The following FRMD6 variants were observed in gnomAD, a reference collection of about 807,000 sequenced individuals.
FRMD6 encodes the protein FERM domain containing 6.
FRMD6 carries 37 observed loss-of-function variants against 73.2 expected under a neutral mutation model. That is an observed-to-expected ratio of 0.51 (90% confidence interval 0.39 to 0.66). The LOEUF is 0.66. Ranked by LOEUF, FRMD6 falls within the 30% of genes least tolerant of loss-of-function variation. FRMD6 has a pLI of 0.00. For synonymous variants in FRMD6, 273 were observed against 282.2 expected (o/e 0.97, Z 0.33); for missense variants, 714 against 780.5 (o/e 0.91, Z 1.02).
chr14:51,425,528 T>G, the FRMD6 span, among the ~76,000 whole-genome samples: 1 of 152,198 alleles, frequency 6.6e-6, no homozygotes, highest in East Asian at 1.9e-4. Flanking sequence ...ATCTGTAATA[T>G]GTCTCAAACT....
chr14:51,675,407 G>A (rs1894315430), intron 1 of FRMD6, among the ~76,000 whole-genome samples: 1 of 152,068 alleles, frequency 6.6e-6, no homozygotes, highest in Admixed American at 6.6e-5. Flanking sequence ...GGAAGGCTTT[G>A]TTAGGATAGA....
chr14:51,403,060 C>T, the FRMD6 span, among the ~76,000 whole-genome samples: 3 of 152,108 alleles, frequency 2.0e-5, no homozygotes, highest in South Asian at 2.1e-4. Flanking sequence ...TGAAATTCTC[C>T]GGTAGAAATT....
Position 51,698,354 on chromosome 14 carries a change from C to T in FRMD6, c.190+122C>T, listed in dbSNP as rs1187408076. 5.8e-6 allele frequency: 3 copies of T among 517,944 alleles called. No homozygotes were observed. The African/African-American group carries it at 6.2e-5, about 11-fold the overall frequency. The allele number at this position is 517,944 out of a possible 1,614,324, so 32.1% of individuals were successfully genotyped here. A position where few individuals can be genotyped will look rare whatever the true frequency, so the allele number is the denominator to read the frequency against. On this transcript the variant is annotated intron_variant, in intron 3 of 13. Coordinates refer to ENST00000344768, the MANE Select transcript of FRMD6 (RefSeq NM_001267046.2). Reference sequence around the variant, plus strand: ...CTGTGATTGTCAAAATACCCATGGACTGATTTTCATTTTTAGTGTAGGTGT... The same window carrying T: ...CTGTGATTGTCAAAATACCCATGGATTGATTTTCATTTTTAGTGTAGGTGT...
At chr14:51,682,203 G>A (rs191377430) in intron 1 of FRMD6, among the ~76,000 whole-genome samples, 70 of 152,024 alleles carry the variant, frequency 4.6e-4, no homozygotes, top group Non-Finnish European at 8.5e-4. Flanking sequence ...TGGGATTATT[G>A]GGTGAAATAA....
At chr14:51,599,058 CTTTTTTTTTTTT>C (rs59151771) in intron 2 of FRMD6, among the ~76,000 whole-genome samples, 4 of 72,800 alleles carry the variant, frequency 5.5e-5, no homozygotes, top group African/African-American at 1.7e-4. Context: ...CAGTATCTGT[CTTTTTTTTTTTT>C]TTTTTTTTTT....
chr14:51,701,911 C>T (rs1896348723), intron 4 of FRMD6, among the ~76,000 whole-genome samples: 1 of 151,832 alleles, frequency 6.6e-6, no homozygotes. Context: ...CTTTATTTCA[C>T]AAACATTAAT....
At chr14:51,682,324 T>C (rs895760363) in intron 1 of FRMD6, among the ~76,000 whole-genome samples, 1 of 152,164 alleles carries the variant, frequency 6.6e-6, no homozygotes, top group Admixed American at 6.5e-5. Flanking sequence ...TTCTCCTTTT[T>C]TTGGATTGGA....
intron 1 of FRMD6, among the ~76,000 whole-genome samples, chr14:51,680,331 A>G (rs1193261706): frequency 1.3e-5 from 2 of 152,202 alleles, no homozygotes; most frequent in African/African-American, 2.4e-5. Context: ...TCTTTCCTGA[A>G]TGCCATGCTC....
upstream of FRMD6, among the ~76,000 whole-genome samples, chr14:51,486,196 G>A (rs1378216928): frequency 1.3e-5 from 2 of 151,838 alleles, no homozygotes; most frequent in Non-Finnish European, 2.9e-5. Flanking sequence ...CACCATGCCC[G>A]GCTAATTTTT....
chr14:51,673,248 T>C (rs1275195349), intron 1 of FRMD6, among the ~76,000 whole-genome samples: 1 of 152,082 alleles, frequency 6.6e-6, no homozygotes, highest in African/African-American at 2.4e-5. Flanking sequence ...GAAGATTCTT[T>C]CCTCTGCCTT....
At chr14:51,711,474 C>A in intron 7 of FRMD6, 57 bp from the exon 8 acceptor site, 2 of 1,131,196 alleles carry the variant, frequency 1.8e-6, no homozygotes, top group Non-Finnish European at 2.6e-6. Context: ...CTAAATTGTC[C>A]ACTGTAGAAA....
At chr14:51,488,026 G>C (rs559990565), upstream of FRMD6, among the ~76,000 whole-genome samples, 3 of 152,352 alleles carry the variant, frequency 2.0e-5, no homozygotes, top group South Asian at 6.2e-4. Flanking sequence ...AAACGATGTA[G>C]TAACGAGATC....
At position 51,729,088 on chromosome 14, in the gene FRMD6, T is replaced by A. The variant is rs368245298; in HGVS notation, c.*1059T>A. ...GACAGTCAGTTGATATATGTAGAGT[T>A]CAGAATGACTGTTTTCTCATGTGCC... On this transcript the variant is annotated 3_prime_UTR_variant, in exon 14 of 14. Coordinates refer to ENST00000344768, the MANE Select transcript of FRMD6 (RefSeq NM_001267046.2). The A allele has an allele frequency of 2.0e-5, 3 of 152,298 alleles. No homozygotes were observed. The highest frequency in any genetic ancestry group is 7.2e-5 in the African/African-American group (3 of 41,576). The allele number at this position is 152,298 out of a possible 1,614,324, so 9.4% of individuals were successfully genotyped here.
At chr14:51,511,946 T>C (rs1299118880) in intron 1 of FRMD6, among the ~76,000 whole-genome samples, 2 of 152,124 alleles carry the variant, frequency 1.3e-5, no homozygotes, top group African/African-American at 4.8e-5. Context: ...AGGGTTAATA[T>C]AATAGTTATA....
chr14:51,422,403 C>CTAATA, the FRMD6 span, among the ~76,000 whole-genome samples: 1,966 of 152,082 alleles, frequency 0.013, 42 homozygotes, highest in African/African-American at 0.045. Context: ...AAAAATTAAA[C>CTAATA]TAATTTATTG....
intron 2 of FRMD6, among the ~76,000 whole-genome samples, chr14:51,615,507 G>T (rs1235178660): frequency 2.0e-5 from 3 of 152,124 alleles, no homozygotes; most frequent in Non-Finnish European, 4.4e-5. Context: ...AGTTATCCAT[G>T]AAAATAAAAG....
the FRMD6 span, among the ~76,000 whole-genome samples, chr14:51,446,445 G>GACACACACACACACACACACACACACAC: frequency 8.9e-3 from 1,243 of 139,212 alleles, 23 homozygotes; most frequent in East Asian, 0.017. Context: ...CTCTTGTGTA[G>GACACACACACACACACACACACACACAC]ACACACACAC....
intron 2 of FRMD6, among the ~76,000 whole-genome samples, chr14:51,602,996 C>T (rs1206913946): frequency 6.6e-6 from 1 of 152,160 alleles, no homozygotes; most frequent in Admixed American, 6.5e-5. Context: ...GAAATCCTAA[C>T]TCCCAAGGTA....
intron 1 of FRMD6, among the ~76,000 whole-genome samples, chr14:51,654,474 A>G (rs1197104976): frequency 6.6e-6 from 1 of 152,176 alleles, no homozygotes; most frequent in Non-Finnish European, 1.5e-5. Context: ...TGTCAGGTTC[A>G]GAGTTGAGTG....
Sources: gnomAD v4.1 joint callset for allele counts (sites outside exome capture counted in the v4.1 genomes callset) on GRCh38, gnomAD v4.1.1 for gene constraint, MANE v1.5 for transcripts, NCBI Gene and HGNC (gene_info 2026-07-23, HGNC 2026-07-21) for gene names.